Variants in BIRC6 observed in about 807,000 individuals in gnomAD.
BIRC6 encodes dual E2 ubiquitin-conjugating enzyme/E3 ubiquitin-protein ligase BIRC6.
A neutral mutation model predicts 503.3 loss-of-function variants in BIRC6; 98 were observed. The observed-to-expected ratio is 0.19, with a 90% CI of 0.17 to 0.23. The LOEUF (loss-of-function observed/expected upper bound fraction) is 0.23. Ranked by LOEUF, BIRC6 falls within the 10% of genes least tolerant of loss-of-function variation. The pLI is 1.00. For missense variants in BIRC6, 5,360 were observed against 5,806.0 expected, an observed-to-expected ratio of 0.92 and a Z score of 2.50; for synonymous variants, 2,240 against 2,078.7, an observed-to-expected ratio of 1.08 and a Z score of -2.11.
chr2:32,578,807 C>A (rs62136333), intron 66 of BIRC6, among the ~76,000 whole-genome samples: 80,875 of 145,574 alleles, frequency 0.56, 22,202 homozygotes, highest in African/African-American at 0.63. Flanking sequence ...TCAAAAAATA[C>A]ATACATACAT....
rs2150018128 is a variant in BIRC6 at position 32,415,184 on chromosome 2, T to G, written c.1893T>G (p.Leu631=). 1 of 1,614,010 alleles carries G rather than the reference T, an allele frequency of 6.2e-7. No individual in the cohort carries two copies. The part of the protein sequence containing the change: ...PLVRRTLPVL[L]LYSIKESDEK... ...TAAGGAGGACTTTACCGGTTTTGCT[T>G]CTTTATAGCATCAAGGAATCTGATG... is the stretch of plus-strand genomic sequence containing the variant. Residue 631 remains leucine, a synonymous_variant, in exon 10 of 74, where the codon CTT becomes CTG. Transcript: ENST00000421745.
chr2:32,360,744 C>T lies in BIRC6; in HGVS notation c.325+3258C>T, dbSNP rs548536718. Among the ~76,000 whole-genome samples, 73 of 152,122 alleles carry T rather than the reference C, an allele frequency of 4.8e-4. 2 individuals carry two copies. The highest frequency in any genetic ancestry group is 3.5e-3 in the South Asian group (17 of 4,820). On this transcript the variant is annotated intron_variant, in intron 1 of 73. Coordinates refer to ENST00000421745, the MANE Select transcript of BIRC6 (RefSeq NM_016252.4). ...TAGTATTTTGTGGTATTTTTTCAACCGTCTTGAACTATTTAAGTTTAAATT... is the reference window on the plus strand; with the variant it reads ...TAGTATTTTGTGGTATTTTTTCAACTGTCTTGAACTATTTAAGTTTAAATT...
intron 66 of BIRC6, among the ~76,000 whole-genome samples, chr2:32,576,094 G>A (rs1184559289): frequency 2.0e-5 from 3 of 152,132 alleles, no homozygotes; most frequent in Admixed American, 2.0e-4. Flanking sequence ...CTATTTATTA[G>A]TAGATTTTAG....
intron 8 of BIRC6, among the ~76,000 whole-genome samples, chr2:32,406,209 T>C (rs1343798668): frequency 1.3e-5 from 2 of 152,022 alleles, no homozygotes; most frequent in African/African-American, 4.8e-5. Flanking sequence ...CTGGGCAACA[T>C]GGTGAGACCC....
intron 10 of BIRC6, among the ~76,000 whole-genome samples, chr2:32,427,532 C>T (rs923794554): frequency 1.3e-5 from 2 of 152,280 alleles, no homozygotes; most frequent in Middle Eastern, 3.4e-3. Context: ...GTGATCCGCC[C>T]GCCTCCGTCT....
At chr2:32,451,173 C>G (rs145204555) in intron 22 of BIRC6, among the ~76,000 whole-genome samples, 3 of 152,306 alleles carry the variant, frequency 2.0e-5, no homozygotes, top group East Asian at 1.9e-4. Flanking sequence ...GTTACTTTAC[C>G]TTTCTCCTTA....
intron 1 of BIRC6, among the ~76,000 whole-genome samples, chr2:32,358,998 G>C (rs2033633908): frequency 6.6e-6 from 1 of 152,130 alleles, no homozygotes; most frequent in Non-Finnish European, 1.5e-5. Flanking sequence ...GTATGAAAAG[G>C]TATGAAGAGT....
chr2:32,596,732 A>T (rs886569681), intron 68 of BIRC6, among the ~76,000 whole-genome samples: 1 of 152,194 alleles, frequency 6.6e-6, no homozygotes, highest in Admixed American at 6.5e-5. Flanking sequence ...CATCAAAAAT[A>T]TGTCAGCTAA....
intron 23 of BIRC6, 90 bp from the exon 24 acceptor site, chr2:32,463,104 A>G (rs922589467): frequency 2.8e-6 from 3 of 1,081,056 alleles, no homozygotes; most frequent in Non-Finnish European, 3.9e-6. Context: ...GCATCATAAT[A>G]GTGCCAAAAT....
chr2:32,399,024 A>C (rs1460448563), intron 6 of BIRC6, among the ~76,000 whole-genome samples: 1 of 152,182 alleles, frequency 6.6e-6, no homozygotes, highest in African/African-American at 2.4e-5. Context: ...CATGGAAATA[A>C]AACAATGAGT....
chr2:32,484,679 GA>G (rs1257758717), intron 39 of BIRC6, among the ~76,000 whole-genome samples: 1 of 151,656 alleles, frequency 6.6e-6, no homozygotes, highest in African/African-American at 2.4e-5. Flanking sequence ...TTAAATTGTG[GA>G]AAAATGTAAA....
At chr2:32,362,501 G>A (rs991049995) in intron 1 of BIRC6, among the ~76,000 whole-genome samples, 7 of 151,674 alleles carry the variant, frequency 4.6e-5, no homozygotes, top group African/African-American at 7.3e-5. Flanking sequence ...TGTATTTTTA[G>A]TAGAGATGGG....
At position 32,499,826 on chromosome 2, in the gene BIRC6, T is replaced by A; in HGVS notation, c.8748T>A (p.Asp2916Glu). The change falls in exon 46 of 74, where the codon GAT becomes GAA. Residue 2916 changes from aspartate to glutamate, a missense_variant. Transcript: ENST00000421745. ...AKAVCGEMTR[D>E]QLMFDLLKLV... ...CAGTTTGTGGCGAAATGACAAGAGATCAACTCATGTTTGATTTGTTAAAAC... is the reference window on the plus strand; with the variant it reads ...CAGTTTGTGGCGAAATGACAAGAGAACAACTCATGTTTGATTTGTTAAAAC... The A allele has an allele frequency of 6.2e-7, 1 of 1,614,030 alleles. No individual in the cohort carries two copies. Among genetic ancestry groups the A allele is most frequent in the Non-Finnish European group, 8.5e-7 (1 of 1,179,892 alleles).
intron 66 of BIRC6, among the ~76,000 whole-genome samples, chr2:32,580,793 T>A (rs2060620299): frequency 6.6e-6 from 1 of 152,178 alleles, no homozygotes; most frequent in African/African-American, 2.4e-5. Flanking sequence ...GAGATTTTGG[T>A]ACTCATCAGC....
intron 71 of BIRC6, among the ~76,000 whole-genome samples, chr2:32,605,536 T>C (rs1327362273): frequency 1.3e-5 from 2 of 152,208 alleles, no homozygotes; most frequent in Non-Finnish European, 2.9e-5. Flanking sequence ...CTAATAACTA[T>C]GCCTTTGAAA....
intron 37 of BIRC6, among the ~76,000 whole-genome samples, chr2:32,480,117 A>G (rs1217305392): frequency 6.6e-6 from 1 of 152,100 alleles, no homozygotes; most frequent in Non-Finnish European, 1.5e-5. Context: ...ACCATTTGTC[A>G]TTCCTTAATC....
intron 2 of BIRC6, chr2:32,379,509 T>G (rs948252987): frequency 6.6e-6 from 1 of 152,060 alleles, no homozygotes; most frequent in Admixed American, 6.5e-5. Flanking sequence ...AAATCTACTG[T>G]TTTTTTTCTC....
chr2:32,574,362 C>T (rs1031679242), intron 65 of BIRC6, among the ~76,000 whole-genome samples: 1 of 151,884 alleles, frequency 6.6e-6, no homozygotes, highest in South Asian at 2.1e-4. Flanking sequence ...AAGTGATCCT[C>T]CCACCTTGGC....
At position 32,476,317 on chromosome 2, in the gene BIRC6, A is replaced by C. The variant is rs749532024; in HGVS notation, c.6825A>C (p.Gln2275His). 10 of 1,577,512 alleles carry C rather than the reference A, an allele frequency of 6.3e-6. No homozygotes were observed. The East Asian group carries it at 2.3e-4, about 36-fold the overall frequency. The part of the protein sequence containing the change: ...KGSSYKLLVE[Q>H]AKLKQATSKH... ...CATCATATAAACTCCTGGTAGAACA[A>C]GCAAAACTAAAGCAGGCCACTTCAA... The change falls in exon 34 of 74, where the codon CAA becomes CAC. Residue 2275 changes from glutamine to histidine, a missense_variant. Physicochemically the swap from Gln to His is conservative, Grantham distance 24. Coordinates refer to ENST00000421745, the MANE Select transcript of BIRC6 (RefSeq NM_016252.4).
Sources: gnomAD v4.1 joint callset for allele counts (sites outside exome capture counted in the v4.1 genomes callset) on GRCh38, gnomAD v4.1.1 for gene constraint, MANE v1.5 for transcripts, NCBI Gene and HGNC (gene_info 2026-07-23, HGNC 2026-07-21) for gene names.